Variants in NAV2 observed in about 807,000 individuals in gnomAD.
NAV2 encodes neuron navigator 2.
NAV2 carries 54 observed loss-of-function variants against 223.2 expected under a neutral mutation model. That is an observed-to-expected ratio of 0.24 (90% confidence interval 0.19 to 0.30). The LOEUF is 0.30. NAV2 is among the 10% of genes least tolerant of loss of function. The pLI is 1.00. For missense variants in NAV2, 2,806 were observed against 3,147.5 expected, an observed-to-expected ratio of 0.89 and a Z score of 2.60; for synonymous variants, 1,279 against 1,239.3, an observed-to-expected ratio of 1.03 and a Z score of -0.67.
intron 1 of NAV2, among the ~76,000 whole-genome samples, chr11:19,509,552 G>A (rs138639761): frequency 2.6e-5 from 4 of 152,318 alleles, no homozygotes; most frequent in East Asian, 3.9e-4. Context: ...TTGTATTCCC[G>A]CACCGATGGT....
intron 1 of NAV2, among the ~76,000 whole-genome samples, chr11:19,453,251 G>T (rs1382713133): frequency 6.6e-6 from 1 of 152,140 alleles, no homozygotes; most frequent in African/African-American, 2.4e-5. Context: ...CATCATAGGT[G>T]TTCAAAATAA....
At chr11:19,883,241 A>G (rs942077311) in intron 5 of NAV2, among the ~76,000 whole-genome samples, 1 of 152,218 alleles carries the variant, frequency 6.6e-6, no homozygotes, top group African/African-American at 2.4e-5. Context: ...TTGCTGGTAA[A>G]GGAGCTATGG....
At chr11:19,729,539 G>T (rs1433347937) in intron 1 of NAV2, among the ~76,000 whole-genome samples, 2 of 152,186 alleles carry the variant, frequency 1.3e-5, no homozygotes, top group Non-Finnish European at 2.9e-5. Context: ...GCCTAACTGT[G>T]CCCATAGAGT....
At chr11:19,358,938 T>A (rs570402106) in intron 1 of NAV2, among the ~76,000 whole-genome samples, 1 of 152,352 alleles carries the variant, frequency 6.6e-6, no homozygotes, top group South Asian at 2.1e-4. Context: ...TAAATCTATA[T>A]TTAATTGTTT....
chr11:19,497,629 G>A (rs1298438993), intron 1 of NAV2, among the ~76,000 whole-genome samples: 1 of 152,128 alleles, frequency 6.6e-6, no homozygotes, highest in Non-Finnish European at 1.5e-5. Context: ...GGGTCCACAT[G>A]GTTCTGAGCT....
intron 20 of NAV2, among the ~76,000 whole-genome samples, chr11:20,065,358 T>C (rs1224485283): frequency 2.0e-5 from 3 of 152,258 alleles, no homozygotes; most frequent in Non-Finnish European, 4.4e-5. Context: ...GAAATGTCTA[T>C]AATGAATATT....
At chr11:19,969,488 A>C (rs2049039161) in intron 10 of NAV2, among the ~76,000 whole-genome samples, 1 of 152,170 alleles carries the variant, frequency 6.6e-6, no homozygotes. Context: ...TAAAATATAC[A>C]TACACTATTC....
chr11:19,832,315 G>T (rs1366933045), intron 1 of NAV2, among the ~76,000 whole-genome samples, 169 bp from the exon 2 acceptor site: 1 of 152,226 alleles, frequency 6.6e-6, no homozygotes, highest in Non-Finnish European at 1.5e-5. Context: ...GCCCAGCTAT[G>T]GTTAGCTGAA....
upstream of NAV2, among the ~76,000 whole-genome samples, chr11:19,350,327 C>T (rs908069540): frequency 6.6e-6 from 1 of 152,144 alleles, no homozygotes; most frequent in African/African-American, 2.4e-5. Context: ...CAAATCTGTA[C>T]TTTTCTACAA....
At chr11:19,535,310 C>T (rs959602130) in intron 1 of NAV2, among the ~76,000 whole-genome samples, 1 of 152,100 alleles carries the variant, frequency 6.6e-6, no homozygotes, top group African/African-American at 2.4e-5. Flanking sequence ...CATACTTTGC[C>T]CTCTGAGTAA....
chr11:20,027,292 G>T (rs943815530), intron 11 of NAV2: 5 of 981,622 alleles, frequency 5.1e-6, no homozygotes, highest in South Asian at 9.5e-5. Flanking sequence ...AAAGGATCTC[G>T]TTCCGCTCGG....
intron 11 of NAV2, among the ~76,000 whole-genome samples, chr11:20,016,413 T>C (rs1591671249): frequency 6.6e-6 from 1 of 152,342 alleles, no homozygotes; most frequent in East Asian, 1.9e-4. Flanking sequence ...CTGAATGAAA[T>C]CTTTTGTTTA....
Position 19,576,729 on chromosome 11 carries a change from CAT to C in NAV2, c.75+225707_75+225708del, listed in dbSNP as rs1233436970. Among the ~76,000 whole-genome samples, 7 of 152,186 alleles carry C rather than the reference CAT, an allele frequency of 4.6e-5. No individual in the cohort carries two copies. The South Asian group carries it at 6.2e-4, about 14-fold the overall frequency. On this transcript the variant is annotated intron_variant, in intron 1 of 37. Transcript: ENST00000360655. The stretch of plus-strand genomic sequence containing the variant: ...TGTATGGTCCTTTTCACGTGAATAA[CAT>C]ATATCTGTTTCCCTCCCTGTCTTCT...
intron 4 of NAV2, among the ~76,000 whole-genome samples, chr11:19,878,531 G>A (rs1017162332): frequency 6.6e-6 from 1 of 152,164 alleles, no homozygotes; most frequent in African/African-American, 2.4e-5. Flanking sequence ...TCACGGCTTA[G>A]GTTTTCCAAA....
At chr11:20,009,154 T>C (rs1158699840) in intron 11 of NAV2, among the ~76,000 whole-genome samples, 1 of 152,060 alleles carries the variant, frequency 6.6e-6, no homozygotes, top group Non-Finnish European at 1.5e-5. Flanking sequence ...AAAGCATAGG[T>C]TGGAGGTTGG....
At chr11:19,349,293 G>A (rs1420869194), upstream of NAV2, among the ~76,000 whole-genome samples, 1 of 152,180 alleles carries the variant, frequency 6.6e-6, no homozygotes, top group African/African-American at 2.4e-5. Context: ...CATCCCCTCT[G>A]CTGCTTCTCT....
chr11:19,346,688 G>T (rs1401126164), upstream of NAV2, among the ~76,000 whole-genome samples: 3 of 152,220 alleles, frequency 2.0e-5, no homozygotes, highest in Non-Finnish European at 2.9e-5. Context: ...AGGGTTGGCG[G>T]CTGGGTCTGC....
chr11:20,086,105 A>G (rs1432199208), intron 26 of NAV2, among the ~76,000 whole-genome samples: 9 of 152,258 alleles, frequency 5.9e-5, no homozygotes, highest in Admixed American at 4.6e-4. Context: ...AGCCACAGAC[A>G]TAGTCAGGGC....
At chr11:20,098,081 C>T (rs962429224) in intron 31 of NAV2, among the ~76,000 whole-genome samples, 3 of 152,122 alleles carry the variant, frequency 2.0e-5, no homozygotes, top group African/African-American at 4.8e-5. Context: ...GATGCAGTCC[C>T]GTTCTACAGA....
Sources: gnomAD v4.1 joint callset for allele counts (sites outside exome capture counted in the v4.1 genomes callset) on GRCh38, gnomAD v4.1.1 for gene constraint, MANE v1.5 for transcripts, NCBI Gene and HGNC (gene_info 2026-07-23, HGNC 2026-07-21) for gene names.